ATRX: variants seen among roughly 807,000 people sequenced by gnomAD.
The protein encoded by ATRX is ATRX chromatin remodeler, also known as chromatin remodeler ATRX.
In ATRX, 12 loss-of-function variants were observed where a neutral mutation model predicts 172.6. The observed-to-expected ratio is 0.07, with a 90% CI of 0.04 to 0.11. The LOEUF is 0.11. ATRX is among the 10% of genes least tolerant of loss of function. The probability of loss-of-function intolerance (pLI) is 1.00; values close to 1 mark genes in which losing one functional copy is unlikely to be tolerated. For synonymous variants in ATRX, 674 were observed against 594.7 expected (o/e 1.13, Z -1.94); for missense variants, 1,368 against 1,767.4 (o/e 0.77, Z 4.05).
At chrX:77,756,840 C>T (rs999209495) in intron 1 of ATRX, among the ~76,000 whole-genome samples, 4 of 109,708 alleles carry the variant, frequency 3.6e-5, no homozygotes, top group Admixed American at 2.0e-4. Context: ...GGCTGGAGTG[C>T]AGTGGCACAA....
At position 77,510,150 on chromosome X, in the gene ATRX, G is replaced by GC. The variant is rs1280743720; in HGVS notation, c.7201-1522dup. Among the ~76,000 whole-genome samples the GC allele has an allele frequency of 2.7e-5, 3 of 112,033 alleles. No individual in the cohort carries two copies. In the East Asian group the frequency reaches 8.5e-4, roughly 32 times the overall value. On this transcript the variant is annotated intron_variant, in intron 34 of 34. Coordinates refer to ENST00000373344, the MANE Select transcript of ATRX (RefSeq NM_000489.6). Reference sequence around the variant, plus strand: ...CAGAGTCCTGAGGCCCTTGTTCCAGGCCCTAGCTCCTGGATGACATTTCCA... The same window carrying GC: ...CAGAGTCCTGAGGCCCTTGTTCCAGGCCCCTAGCTCCTGGATGACATTTCCA...
At chrX:77,596,217 A>G (rs2066459251) in intron 25 of ATRX, 1 of 111,660 alleles carries the variant, frequency 9.0e-6, no homozygotes, top group African/African-American at 3.2e-5. Flanking sequence ...AATTCCAGGT[A>G]CAACATTGTT....
intron 1 of ATRX, among the ~76,000 whole-genome samples, chrX:77,735,637 A>AATAAATAT (rs1422350357): frequency 9.3e-5 from 8 of 86,482 alleles, no homozygotes; most frequent in South Asian, 5.7e-4. Context: ...TAAATAAATA[A>AATAAATAT]AAATAAATAC....
At chrX:77,650,074 A>C (rs1237959923) in intron 15 of ATRX, among the ~76,000 whole-genome samples, 1 of 112,473 alleles carries the variant, frequency 8.9e-6, no homozygotes, top group Non-Finnish European at 1.9e-5. Context: ...GCCACATTAC[A>C]AGAAAGATTC....
At chrX:77,758,622 G>A (rs1286291329) in intron 1 of ATRX, among the ~76,000 whole-genome samples, 1 of 109,583 alleles carries the variant, frequency 9.1e-6, no homozygotes, top group Non-Finnish European at 1.9e-5. Flanking sequence ...GCCGGGTGTG[G>A]TGGCATGCTC....
At chrX:77,763,230 C>T (rs1306353846) in intron 1 of ATRX, among the ~76,000 whole-genome samples, 1 of 108,739 alleles carries the variant, frequency 9.2e-6, no homozygotes, top group African/African-American at 3.3e-5. Context: ...CTGAAACCTC[C>T]ACCTCCCAGG....
intron 30 of ATRX, among the ~76,000 whole-genome samples, chrX:77,533,555 T>A: frequency 9.0e-6 from 1 of 111,435 alleles, no homozygotes. Context: ...CCACATGTTC[T>A]CACTTATAAA....
intron 1 of ATRX, among the ~76,000 whole-genome samples, chrX:77,779,100 T>TC: frequency 1.0e-5 from 1 of 95,495 alleles, no homozygotes; most frequent in East Asian, 3.3e-4. Context: ...GATTTTTTTT[T>TC]TTTTTTTTTT....
At chrX:77,592,424 A>C (rs1465079143) in intron 26 of ATRX, among the ~76,000 whole-genome samples, 12 of 109,460 alleles carry the variant, frequency 1.1e-4, no homozygotes, top group Non-Finnish European at 5.7e-5. Context: ...AAAAAAAAAA[A>C]AAAAAAAGCA....
intron 1 of ATRX, among the ~76,000 whole-genome samples, chrX:77,776,926 AAACTCTTTC>A (rs200877804): frequency 3.5e-3 from 389 of 111,284 alleles, no homozygotes; most frequent in African/African-American, 0.012. Flanking sequence ...AATAATCAGC[AAACTCTTTC>A]AATACAGGGC....
At chrX:77,636,921 AGAAG>A (rs1429224865) in intron 15 of ATRX, among the ~76,000 whole-genome samples, 5 of 102,828 alleles carry the variant, frequency 4.9e-5, no homozygotes, top group African/African-American at 1.8e-4. Flanking sequence ...GGAAGAAGGA[AGAAG>A]GAAGGAGGAA....
At chrX:77,578,199 C>T (rs782812907) in intron 27 of ATRX, among the ~76,000 whole-genome samples, 7 of 111,455 alleles carry the variant, frequency 6.3e-5, no homozygotes, top group African/African-American at 2.3e-4. Context: ...TGCACTGGGG[C>T]CCTAAATAAA....
At chrX:77,622,957 G>A (rs1233983332) in intron 19 of ATRX, among the ~76,000 whole-genome samples, 1 of 110,293 alleles carries the variant, frequency 9.1e-6, no homozygotes, top group South Asian at 3.8e-4. Context: ...CAAAAAGTCC[G>A]AAAGAGCACA....
At chrX:77,722,664 T>C (rs1472360937) in intron 1 of ATRX, among the ~76,000 whole-genome samples, 2 of 111,813 alleles carry the variant, frequency 1.8e-5, no homozygotes, top group African/African-American at 6.5e-5. Flanking sequence ...CCGGTTAGAA[T>C]GGCGAACATT....
In ATRX at chrX:77,637,396, G is replaced by A. The variant is rs782653955; in HGVS notation, c.4558-1340C>T. ...CTCTATCCGTTACATAGTATATTCAGTAACTACGCAAGATAGGTACAAGTA... is the reference window on the plus strand; with the variant it reads ...CTCTATCCGTTACATAGTATATTCAATAACTACGCAAGATAGGTACAAGTA... On this transcript the variant is annotated intron_variant, in intron 15 of 34. Transcript: ENST00000373344. Among the ~76,000 whole-genome samples, 6 of 110,763 alleles carry A rather than the reference G, an allele frequency of 5.4e-5. No individual in the cohort carries two copies. In the South Asian group the frequency reaches 1.9e-3, roughly 35 times the overall value.
intron 15 of ATRX, among the ~76,000 whole-genome samples, chrX:77,642,350 AC>A (rs782779151): frequency 8.9e-6 from 1 of 112,304 alleles, no homozygotes; most frequent in African/African-American, 3.2e-5. Context: ...ATCTTTTAAG[AC>A]TATCTTTCCA....
chrX:77,623,826 G>A (rs782051200), intron 19 of ATRX, among the ~76,000 whole-genome samples: 2 of 111,620 alleles, frequency 1.8e-5, no homozygotes, highest in Non-Finnish European at 3.8e-5. Flanking sequence ...AATAGATTCA[G>A]AAAAAGCATT....
At chrX:77,522,545 G>T in intron 31 of ATRX, 157 bp from the exon 32 acceptor site, 1 of 611,137 alleles carries the variant, frequency 1.6e-6, no homozygotes, top group Non-Finnish European at 2.6e-6. Flanking sequence ...CCGAAACCAA[G>T]ATCTTATTAC....
chrX:77,656,421 A>C, intron 13 of ATRX, 139 bp downstream of exon 13: 1 of 502,556 alleles, frequency 2.0e-6, no homozygotes, highest in Non-Finnish European at 3.5e-6. Context: ...TAAACTATTA[A>C]GTATAACAAT....
Sources: gnomAD v4.1 joint callset for allele counts (sites outside exome capture counted in the v4.1 genomes callset) on GRCh38, gnomAD v4.1.1 for gene constraint, MANE v1.5 for transcripts, NCBI Gene and HGNC (gene_info 2026-07-23, HGNC 2026-07-21) for gene names.